Variants in DHX33 observed in about 807,000 individuals in gnomAD.
The protein encoded by DHX33 is ATP-dependent RNA helicase DHX33.
A neutral mutation model predicts 72.5 loss-of-function variants in DHX33; 42 were observed. The ratio of observed to expected loss-of-function variants is 0.58; its 90% CI spans 0.45 to 0.75. The LOEUF is 0.75. Among genes scored for constraint, DHX33 ranks in the 30% least tolerant of loss-of-function variants. The pLI, the probability that DHX33 is intolerant of heterozygous loss-of-function variation, is 0.00. For missense variants in DHX33, 842 were observed against 917.5 expected (o/e 0.92, Z 1.06); for synonymous variants, 358 against 366.1 (o/e 0.98, Z 0.25).
intron 1 of DHX33, among the ~76,000 whole-genome samples, chr17:5,464,719 G>A (rs553588755): frequency 9.2e-5 from 14 of 152,216 alleles, no homozygotes; most frequent in South Asian, 2.1e-4. Flanking sequence ...AAATACAACC[G>A]TTACATAGAT....
chr17:5,457,654 T>A (rs200992579), intron 4 of DHX33, among the ~76,000 whole-genome samples: 8 of 147,530 alleles, frequency 5.4e-5, no homozygotes, highest in East Asian at 3.9e-4. Flanking sequence ...TAGAAAAAAA[T>A]TTTAATAATT....
rs939177821 is a variant in DHX33 at position 5,460,823 on chromosome 17, T to A, written c.849+116A>T. 9 of 1,293,332 alleles carry A rather than the reference T, an allele frequency of 7.0e-6. No homozygotes were observed. In the Middle Eastern group the frequency reaches 8.3e-4, roughly 120 times the overall value. 80.1% of individuals were successfully genotyped at this position (1,293,332 alleles called of 1,614,324 possible). ...CACCTGGCCTCCTTATTCATCTTGA[T>A]GACACAACTCACAAAGTTGTTTTAT... On this transcript the variant is annotated intron_variant, in intron 4 of 11. Coordinates refer to ENST00000225296, the MANE Select transcript of DHX33 (RefSeq NM_020162.4).
chr17:5,461,175 G>A (rs1904589627), intron 3 of DHX33, 66 bp from the exon 4 acceptor site: 3 of 1,521,818 alleles, frequency 2.0e-6, no homozygotes, highest in South Asian at 1.2e-5. Context: ...TGTCCCTCTC[G>A]AGCCCCAAAA....
At chr17:5,445,083 CTT>C (rs936357910) in intron 11 of DHX33, among the ~76,000 whole-genome samples, 13 of 145,984 alleles carry the variant, frequency 8.9e-5, no homozygotes, top group African/African-American at 1.0e-4. Flanking sequence ...TTCTTTCTTT[CTT>C]TTTTTTTTTT....
Position 5,453,818 on chromosome 17 carries a change from TACCTCTGG to T in DHX33, c.1302_1307+2del. ...CAGCAGTGCAGGAGCAACTGGTGCC[TACCTCTGG>T]ATCTCTGGCACGGTCATCTTATCAA... is the stretch of plus-strand genomic sequence containing the variant. On this transcript the variant is annotated splice_donor_variant and coding_sequence_variant, in exon 7 of 12. Transcript: ENST00000225296. LOFTEE classifies it high-confidence loss of function. 1 of 1,613,884 alleles carries T rather than the reference TACCTCTGG, an allele frequency of 6.2e-7. No individual in the cohort carries two copies. The highest frequency in any genetic ancestry group is 8.5e-7 in the Non-Finnish European group (1 of 1,179,848).
chr17:5,456,876 G>A (rs916996873), intron 4 of DHX33, among the ~76,000 whole-genome samples: 7 of 152,156 alleles, frequency 4.6e-5, no homozygotes, highest in East Asian at 3.9e-4. Context: ...TGACGCCGTC[G>A]AAAGCGCTTT....
Position 5,450,381 on chromosome 17 carries a change from T to G in DHX33, c.1550A>C (p.His517Pro). The change falls in exon 10 of 12, where the codon CAC becomes CCC. Residue 517 changes from histidine (H) to proline (P), a missense_variant. Transcript: ENST00000225296. The part of the protein sequence containing the change: ...AKTILMSPKF[H>P]CTEEILTIVS... ...AATGGTCAGGATCTCCTCTGTACAG[T>G]GGAATTTGGGGGACATGAGGATGGT... The G allele has an allele frequency of 6.2e-7, 1 of 1,613,956 alleles. No individual in the cohort carries two copies. The highest frequency in any genetic ancestry group is 8.5e-7 in the Non-Finnish European group (1 of 1,179,942).
chr17:5,453,538 G>A, intron 8 of DHX33, 42 bp downstream of exon 8: 2 of 1,525,676 alleles, frequency 1.3e-6, no homozygotes, highest in Non-Finnish European at 1.8e-6. Flanking sequence ...GTTGTTGTTT[G>A]TCTCCTCACC....
rs771679997 is a variant in DHX33 at position 5,450,191 on chromosome 17, G to C, written c.1728+12C>G. On this transcript the variant is annotated intron_variant, in intron 10 of 11. Coordinates refer to ENST00000225296, the MANE Select transcript of DHX33 (RefSeq NM_020162.4). ...AGCTATCGCTGGAGAACAGGTGCAA[G>C]ACAAGGCTCACCTTATTTCCGCCTA... 3 of 1,614,062 alleles carry C rather than the reference G, an allele frequency of 1.9e-6. No homozygotes were observed. In the Admixed American group the frequency reaches 5.0e-5, roughly 27 times the overall value.
Position 5,453,661 on chromosome 17 carries a change from G to GA in DHX33, c.1314_1315insT (p.Leu439SerfsTer20). The stretch of plus-strand genomic sequence containing the variant: ...AGAAGCTGAAGCATCACACTGGCCA[G>GA]GTTACACCTGTGAAGAGCATGAGAC... On this transcript the variant is annotated frameshift_variant, in exon 8 of 12. Coordinates refer to ENST00000225296, the MANE Select transcript of DHX33 (RefSeq NM_020162.4). LOFTEE classifies it high-confidence loss of function. 6.2e-7 allele frequency: 1 copy of GA among 1,614,154 alleles called. No individual in the cohort carries two copies. The highest frequency in any genetic ancestry group is 8.5e-7 in the Non-Finnish European group (1 of 1,180,018).
chr17:5,459,986 A>T (rs185993481), intron 4 of DHX33, among the ~76,000 whole-genome samples: 1 of 149,980 alleles, frequency 6.7e-6, no homozygotes, highest in African/African-American at 2.5e-5. Context: ...TTATATGTAT[A>T]GCGTACGGGG....
In DHX33 at chr17:5,463,699, AG is replaced by A. The variant is rs762682326; in HGVS notation, c.290-11del. On this transcript the variant is annotated splice_polypyrimidine_tract_variant and intron_variant, in intron 1 of 11. Coordinates refer to ENST00000225296, the MANE Select transcript of DHX33 (RefSeq NM_020162.4). ...CCAGAGCCAGTTTCCCCTAGGAGAG[AG>A]GGGGAAAAAAAAAAAAGGCTCACTG... 8.8e-5 allele frequency: 137 copies of A among 1,552,554 alleles called. No individual in the cohort carries two copies. In the African/African-American group the frequency reaches 1.6e-3, roughly 19 times the overall value.
Position 5,445,199 on chromosome 17 carries a change from C to T in DHX33, c.1816-686G>A, listed in dbSNP as rs573287775. The stretch of plus-strand genomic sequence containing the variant: ...GTTCAAGCTATTCTCCTGCCCTAGC[C>T]TCCCAAGTAGCTGGGATTACAGGCG... On this transcript the variant is annotated intron_variant, in intron 11 of 11. Transcript: ENST00000225296. 3.3e-5 allele frequency among the ~76,000 whole-genome samples: 5 copies of T among 152,272 alleles called. No individual in the cohort carries two copies. The South Asian group carries it at 6.2e-4, about 19-fold the overall frequency.
Position 5,468,910 on chromosome 17 carries a change from C to T in DHX33, c.-51G>A, listed in dbSNP as rs1051268019. On this transcript the variant is annotated 5_prime_UTR_variant, in exon 1 of 12. Transcript: ENST00000225296. ...CGCAAGCGCCGAGAGCTCCTGCCCC[C>T]TCTCAGGTGCAGACAACAGGAGCAC... is the stretch of plus-strand genomic sequence containing the variant. 12 of 1,544,488 alleles carry T rather than the reference C, an allele frequency of 7.8e-6. No individual in the cohort carries two copies. In the East Asian group the frequency reaches 9.8e-5, roughly 13 times the overall value.
At position 5,448,818 on chromosome 17, in the gene DHX33, G is replaced by T. The variant is rs758989659; in HGVS notation, c.1806C>A (p.Ile602=). ...TAGGACCAGACGATACCTTTAAGCAGATGTCCCTCAGCTGTGCTCTGACTT... is the reference window on the plus strand; with the variant it reads ...TAGGACCAGACGATACCTTTAAGCATATGTCCCTCAGCTGTGCTCTGACTT... The part of the protein sequence containing the change: ...VAEVRAQLRD[I]CLKMSMPIAS... The change falls in exon 11 of 12, where the codon ATC becomes ATA. Residue 602 remains isoleucine (I), a synonymous_variant. Coordinates refer to ENST00000225296, the MANE Select transcript of DHX33 (RefSeq NM_020162.4). The T allele has an allele frequency of 1.9e-6, 3 of 1,607,690 alleles. No individual in the cohort carries two copies. The South Asian group carries it at 3.3e-5, about 18-fold the overall frequency.
chr17:5,467,118 C>T (rs891230821), intron 1 of DHX33, among the ~76,000 whole-genome samples: 2 of 152,120 alleles, frequency 1.3e-5, no homozygotes, highest in African/African-American at 2.4e-5. Context: ...TAAGGGAGTA[C>T]CAAAACCACC....
At chr17:5,457,585 C>G (rs1370004616) in intron 4 of DHX33, among the ~76,000 whole-genome samples, 1 of 127,070 alleles carries the variant, frequency 7.9e-6, no homozygotes, top group Non-Finnish European at 1.5e-5. Flanking sequence ...CCAGCCTGGG[C>G]GACACAGTGA....
In DHX33 at chr17:5,463,682, A is replaced by C; in HGVS notation, c.297T>G (p.Thr99=). 1 of 1,604,302 alleles carries C rather than the reference A, an allele frequency of 6.2e-7. No homozygotes were observed. Among genetic ancestry groups the C allele is most frequent in the South Asian group, 1.1e-5 (1 of 89,876 alleles). The change falls in exon 2 of 12, where the codon ACT becomes ACG. Residue 99 remains threonine, a synonymous_variant. Transcript: ENST00000225296. Reference sequence around the variant, plus strand: ...GGATCTGAGTTGTCTTCCCAGAGCCAGTTTCCCCTAGGAGAGAGGGGGAAA... The same window carrying C: ...GGATCTGAGTTGTCTTCCCAGAGCCCGTTTCCCCTAGGAGAGAGGGGGAAA... ...NLDNAVLIGE[T]GSGKTTQIPQ...
intron 11 of DHX33, among the ~76,000 whole-genome samples, chr17:5,448,048 G>A (rs1420777534): frequency 1.3e-5 from 2 of 151,662 alleles, no homozygotes; most frequent in African/African-American, 4.8e-5. Flanking sequence ...GCGTGGTGAC[G>A]CACGCCTGTA....
Sources: allele counts gnomAD v4.1 joint callset (sites outside exome capture counted in the v4.1 genomes callset), GRCh38; gene constraint gnomAD v4.1.1; transcripts MANE v1.5; gene names NCBI Gene and HGNC (gene_info 2026-07-23, HGNC 2026-07-21).